The following MROH2B variants were observed in gnomAD, a reference collection of about 807,000 sequenced individuals.
The protein encoded by MROH2B is maestro heat-like repeat-containing protein family member 2B.
A neutral mutation model predicts 208.6 loss-of-function variants in MROH2B; 177 were observed. The ratio of observed to expected loss-of-function variants is 0.85; its 90% CI spans 0.75 to 0.96. MROH2B has a LOEUF of 0.96. Ranked by LOEUF, MROH2B falls within the 40% of genes least tolerant of loss-of-function variation. The probability of loss-of-function intolerance (pLI) is 0.00; values close to 1 mark genes in which losing one functional copy is unlikely to be tolerated. For missense variants in MROH2B, 2,002 were observed against 1,878.7 expected (o/e 1.07, Z -1.21); for synonymous variants, 728 against 659.0 (o/e 1.10, Z -1.60).
chr5:40,998,759 C>A, intron 40 of MROH2B, 82 bp from the exon 41 acceptor site: 2 of 1,138,462 alleles, frequency 1.8e-6, no homozygotes, highest in South Asian at 2.8e-5. Flanking sequence ...GACTCTGCAC[C>A]TGGTGAGAAG....
chr5:41,060,574 G>A (rs1743604438), intron 6 of MROH2B, among the ~76,000 whole-genome samples: 1 of 152,102 alleles, frequency 6.6e-6, no homozygotes, highest in African/African-American at 2.4e-5. Context: ...CCTCTGTAGG[G>A]AATGCACCTT....
intron 12 of MROH2B, 125 bp from the exon 13 acceptor site, chr5:41,051,215 G>T (rs1743274472): frequency 2.1e-6 from 1 of 468,138 alleles, no homozygotes; most frequent in Non-Finnish European, 3.6e-6. Flanking sequence ...GGGGCTCATG[G>T]AACCTAGATA....
chr5:41,010,296 G>A (rs1387229342), intron 30 of MROH2B, among the ~76,000 whole-genome samples: 1 of 152,176 alleles, frequency 6.6e-6, no homozygotes, highest in Non-Finnish European at 1.5e-5. Flanking sequence ...TTGTGAAAGG[G>A]TGTATTATGA....
At position 41,049,106 on chromosome 5, in the gene MROH2B, G is replaced by A; in HGVS notation, c.1537C>T (p.Leu513Phe). ...GTTCTTAGTAACTCACTCACCAGAA[G>A]TCTGGCCAGTAGCTGCTGTGGTGAA... ...LPSPQQLLAR[L>F]LVISMPASLG... The change falls in exon 15 of 42, where the codon CTT becomes TTT. Residue 513 changes from leucine to phenylalanine, a missense_variant. By Grantham distance (22) the Leu-to-Phe change is conservative (BLOSUM62 0). Transcript: ENST00000399564. The A allele has an allele frequency of 6.3e-7, 1 of 1,597,418 alleles. No homozygotes were observed. Among genetic ancestry groups the A allele is most frequent in the Non-Finnish European group, 8.5e-7 (1 of 1,171,060 alleles).
intron 9 of MROH2B, among the ~76,000 whole-genome samples, chr5:41,056,523 C>G (rs1270036790): frequency 1.3e-5 from 2 of 152,028 alleles, no homozygotes; most frequent in Non-Finnish European, 2.9e-5. Context: ...GCTGCTGTCC[C>G]TCCTCCTCAG....
intron 10 of MROH2B, 38 bp downstream of exon 10, chr5:41,055,704 A>C: frequency 6.6e-7 from 1 of 1,522,294 alleles, no homozygotes; most frequent in Non-Finnish European, 9.1e-7. Flanking sequence ...GCTTCTTGGC[A>C]TGAAATAAAC....
At chr5:41,047,995 T>C (rs1407726201) in intron 16 of MROH2B, among the ~76,000 whole-genome samples, 1 of 152,208 alleles carries the variant, frequency 6.6e-6, no homozygotes, top group East Asian at 1.9e-4. Context: ...TGATGACTAC[T>C]GAAATGACCA....
In MROH2B at chr5:41,045,704, C is replaced by A. The variant is rs899835103; in HGVS notation, c.1836+42G>T. The A allele has an allele frequency of 5.4e-6, 8 of 1,471,624 alleles. No individual in the cohort carries two copies. In the African/African-American group the frequency reaches 9.7e-5, roughly 18 times the overall value. 91.2% of individuals were successfully genotyped at this position (1,471,624 alleles called of 1,614,324 possible). A position where few individuals can be genotyped will look rare whatever the true frequency, so the allele number is the denominator to read the frequency against. On this transcript the variant is annotated intron_variant, in intron 18 of 41. Coordinates refer to ENST00000399564, the MANE Select transcript of MROH2B (RefSeq NM_173489.5). Reference sequence around the variant, plus strand: ...TGGAGCTAGAGCAGCCATTTTGGATCATAGGTAAAAGCTAAGGTTTCCCCT... The same window carrying A: ...TGGAGCTAGAGCAGCCATTTTGGATAATAGGTAAAAGCTAAGGTTTCCCCT...
At chr5:41,055,932 T>A in intron 9 of MROH2B, 77 bp from the exon 10 acceptor site, 1 of 1,015,352 alleles carries the variant, frequency 9.8e-7, no homozygotes, top group Non-Finnish European at 1.6e-6. Context: ...AGGAGGGAAA[T>A]TCACCATGAA....
intron 30 of MROH2B, 90 bp from the exon 31 acceptor site, chr5:41,010,169 C>T: frequency 8.6e-7 from 1 of 1,157,752 alleles, no homozygotes; most frequent in South Asian, 1.7e-5. Flanking sequence ...GGATGGGCAG[C>T]TGATGAATTC....
intron 5 of MROH2B, 109 bp downstream of exon 5, chr5:41,064,363 A>T: frequency 1.2e-6 from 1 of 845,470 alleles, no homozygotes; most frequent in Non-Finnish European, 1.9e-6. Flanking sequence ...AGCTATTATT[A>T]TTCAAAAGGA....
intron 6 of MROH2B, among the ~76,000 whole-genome samples, chr5:41,058,481 A>G (rs1743532120): frequency 6.6e-6 from 1 of 151,994 alleles, no homozygotes; most frequent in South Asian, 2.1e-4. Context: ...TTTTTGAAAC[A>G]GAGTCTCGCT....
Position 41,018,448 on chromosome 5 carries a change from A to C in MROH2B, c.2674-18T>G, listed in dbSNP as rs766523643. On this transcript the variant is annotated intron_variant, in intron 26 of 41. Transcript: ENST00000399564. Reference sequence around the variant, plus strand: ...TGGAGAAGCTGTTGGTCAAAGAATAAATGTTCTTTCCTTAGTATTCTTCAT... The same window carrying C: ...TGGAGAAGCTGTTGGTCAAAGAATACATGTTCTTTCCTTAGTATTCTTCAT... 6.9e-6 allele frequency: 11 copies of C among 1,603,734 alleles called. No individual in the cohort carries two copies. The South Asian group carries it at 1.2e-4, about 18-fold the overall frequency.
chr5:41,005,435 C>A, intron 35 of MROH2B, 96 bp downstream of exon 35: 1 of 221,446 alleles, frequency 4.5e-6, no homozygotes, highest in Non-Finnish European at 9.3e-6. Context: ...CTTGAAGTCT[C>A]TCTTCCCTGG....
intron 24 of MROH2B, among the ~76,000 whole-genome samples, chr5:41,021,363 A>G (rs6897877): frequency 0.76 from 116,238 of 152,152 alleles, 44,714 homozygotes; most frequent in Non-Finnish European, 0.81. Context: ...TCTTAATATC[A>G]TTAAGAATAG....
intron 32 of MROH2B, 77 bp from the exon 33 acceptor site, chr5:41,008,870 CT>C: frequency 7.1e-7 from 1 of 1,409,486 alleles, no homozygotes. Flanking sequence ...TGATTTTCAA[CT>C]TTGTTTTCTC....
rs369732215 is a variant in MROH2B at position 41,018,477 on chromosome 5, C to G, written c.2674-47G>C. 3.2e-6 allele frequency: 5 copies of G among 1,564,368 alleles called. No homozygotes were observed. The African/African-American group carries it at 5.4e-5, about 17-fold the overall frequency. On this transcript the variant is annotated intron_variant, in intron 26 of 41. Transcript: ENST00000399564. ...TTCTTTCCTTAGTATTCTTCATATT[C>G]ATCTAGTTTCATATTCTCTTTTTCT...
chr5:41,002,262 CA>C (rs1741421065), intron 37 of MROH2B, among the ~76,000 whole-genome samples: 1 of 152,062 alleles, frequency 6.6e-6, no homozygotes. Flanking sequence ...GAAAAAGTGG[CA>C]AAAGGATTTT....
intron 30 of MROH2B, among the ~76,000 whole-genome samples, chr5:41,010,794 T>C (rs1257986617): frequency 6.6e-6 from 1 of 152,156 alleles, no homozygotes; most frequent in Non-Finnish European, 1.5e-5. Context: ...GTGATAGCGA[T>C]GTGTCAATGT....
Sources: gnomAD v4.1 joint callset for allele counts (sites outside exome capture counted in the v4.1 genomes callset) on GRCh38, gnomAD v4.1.1 for gene constraint, MANE v1.5 for transcripts, NCBI Gene and HGNC (gene_info 2026-07-23, HGNC 2026-07-21) for gene names.